TENM3: variants seen among roughly 807,000 people sequenced by gnomAD.
TENM3 encodes teneurin-3.
TENM3 carries 63 observed loss-of-function variants against 255.1 expected under a neutral mutation model. The ratio of observed to expected loss-of-function variants is 0.25; its 90% confidence interval spans 0.20 to 0.30. The LOEUF (loss-of-function observed/expected upper bound fraction) is 0.30. TENM3 is among the 10% of genes least tolerant of loss of function. The probability of loss-of-function intolerance (pLI) is 1.00; values close to 1 mark genes in which losing one functional copy is unlikely to be tolerated. For synonymous variants in TENM3, 1,306 were observed against 1,322.3 expected, an observed-to-expected ratio of 0.99 and a Z score of 0.27; for missense variants, 2,929 against 3,461.1, an observed-to-expected ratio of 0.85 and a Z score of 3.86.
chr4:182,729,842 C>T (rs774418503), intron 14 of TENM3, among the ~76,000 whole-genome samples: 6 of 152,150 alleles, frequency 3.9e-5, no homozygotes, highest in Non-Finnish European at 7.3e-5. Context: ...CTGATTGCCT[C>T]AGAATTAATT....
the TENM3 span, among the ~76,000 whole-genome samples, chr4:181,638,581 C>T: frequency 6.6e-6 from 1 of 152,178 alleles, no homozygotes; most frequent in Non-Finnish European, 1.5e-5. Context: ...CTTTTCACTG[C>T]TTTAGAACCT....
chr4:182,758,753 G>A (rs1256674250), intron 22 of TENM3, among the ~76,000 whole-genome samples: 1 of 152,106 alleles, frequency 6.6e-6, no homozygotes, highest in Non-Finnish European at 1.5e-5. Context: ...AATGGCCAGA[G>A]TGTCACCAAA....
At chr4:181,767,747 ATTAG>A in the TENM3 span, among the ~76,000 whole-genome samples, 56 of 152,206 alleles carry the variant, frequency 3.7e-4, no homozygotes, top group African/African-American at 1.3e-3. Flanking sequence ...TGGTCTATGA[ATTAG>A]TTATTCAACT....
At chr4:182,451,507 G>A (rs931455830) in intron 3 of TENM3, among the ~76,000 whole-genome samples, 1 of 152,002 alleles carries the variant, frequency 6.6e-6, no homozygotes, top group Non-Finnish European at 1.5e-5. Context: ...AATTTTTCAC[G>A]GGACTCCTTT....
the TENM3 span, among the ~76,000 whole-genome samples, chr4:181,755,205 G>C: frequency 2.6e-5 from 4 of 152,068 alleles, no homozygotes; most frequent in Non-Finnish European, 2.9e-5. Context: ...GGAACAAAAG[G>C]CCTCCTAATC....
the TENM3 span, among the ~76,000 whole-genome samples, chr4:182,055,129 T>A: frequency 6.6e-6 from 1 of 152,134 alleles, no homozygotes; most frequent in Non-Finnish European, 1.5e-5. Context: ...GGCAGATCGC[T>A]TGAGCCCAGG....
chr4:182,775,190 C>T, intron 24 of TENM3, 37 bp downstream of exon 24: 1 of 1,589,806 alleles, frequency 6.3e-7, no homozygotes, highest in Non-Finnish European at 8.6e-7. Flanking sequence ...TAGCTGCAGC[C>T]CTCTGATCTG....
chr4:182,140,491 C>G (rs1359203294), upstream of TENM3, among the ~76,000 whole-genome samples: 1 of 152,144 alleles, frequency 6.6e-6, no homozygotes, highest in Non-Finnish European at 1.5e-5. Flanking sequence ...GGGGCAGCAA[C>G]TGGGTTTGAA....
the TENM3 span, among the ~76,000 whole-genome samples, chr4:182,026,345 TA>T: frequency 4.3e-3 from 648 of 152,354 alleles, 6 homozygotes; most frequent in African/African-American, 0.015. Context: ...GAGCTCCTTA[TA>T]TATTCCGATC....
At chr4:181,932,403 A>G in the TENM3 span, among the ~76,000 whole-genome samples, 6 of 152,264 alleles carry the variant, frequency 3.9e-5, no homozygotes, top group Non-Finnish European at 8.8e-5. Context: ...GCCAACAAAC[A>G]TATGAAAAAA....
the TENM3 span, among the ~76,000 whole-genome samples, chr4:181,704,843 A>T: frequency 6.6e-6 from 1 of 151,414 alleles, no homozygotes; most frequent in African/African-American, 2.4e-5. Context: ...AACCAGCCTG[A>T]CCAACATGGT....
the TENM3 span, among the ~76,000 whole-genome samples, chr4:181,622,053 A>G: frequency 6.6e-6 from 1 of 152,202 alleles, no homozygotes; most frequent in Non-Finnish European, 1.5e-5. Context: ...TGGTAATACT[A>G]GCTCCTCTGA....
At chr4:182,497,699 G>C (rs1735908451) in intron 3 of TENM3, among the ~76,000 whole-genome samples, 1 of 151,908 alleles carries the variant, frequency 6.6e-6, no homozygotes, top group African/African-American at 2.4e-5. Context: ...GATACAATTA[G>C]ATACAGTTAC....
chr4:182,387,602 A>C (rs532073531), intron 3 of TENM3, among the ~76,000 whole-genome samples: 1 of 151,758 alleles, frequency 6.6e-6, no homozygotes, highest in Admixed American at 6.6e-5. Context: ...GAGCTGTAAC[A>C]CTCGCCACGA....
At chr4:182,206,512 G>A (rs1028796914) in intron 1 of TENM3, among the ~76,000 whole-genome samples, 7 of 152,090 alleles carry the variant, frequency 4.6e-5, no homozygotes, top group African/African-American at 9.7e-5. Flanking sequence ...CGCCCTACCC[G>A]CTTACCTAAC....
chr4:182,328,189 C>A (rs1316880291), intron 2 of TENM3, among the ~76,000 whole-genome samples: 1 of 152,026 alleles, frequency 6.6e-6, no homozygotes, highest in Admixed American at 6.6e-5. Context: ...TGTAGAGTGG[C>A]AATGGAGAGG....
chr4:182,229,604 ATGTG>A (rs10556814), intron 1 of TENM3, among the ~76,000 whole-genome samples: 6 of 151,642 alleles, frequency 4.0e-5, no homozygotes, highest in Non-Finnish European at 8.8e-5. Flanking sequence ...GTGCGTGTGT[ATGTG>A]TGTATATATA....
chr4:181,844,189 A>T, the TENM3 span, among the ~76,000 whole-genome samples: 1 of 152,098 alleles, frequency 6.6e-6, no homozygotes, highest in Non-Finnish European at 1.5e-5. Flanking sequence ...ATGGAGGCAA[A>T]GCCCTCGTGA....
At chr4:181,814,064 T>C in the TENM3 span, among the ~76,000 whole-genome samples, 2 of 152,140 alleles carry the variant, frequency 1.3e-5, no homozygotes, top group African/African-American at 4.8e-5. Flanking sequence ...GATTACACTA[T>C]CTACGCATAA....
Sources: allele counts gnomAD v4.1 joint callset (sites outside exome capture counted in the v4.1 genomes callset), GRCh38; gene constraint gnomAD v4.1.1; transcripts MANE v1.5; gene names NCBI Gene and HGNC (gene_info 2026-07-23, HGNC 2026-07-21).